MAPRE3: variants seen among roughly 807,000 people sequenced by gnomAD.
MAPRE3 encodes microtubule associated protein RP/EB family member 3, also known as microtubule-associated protein RP/EB family member 3.
In MAPRE3, 2 loss-of-function variants were observed where a neutral mutation model predicts 30.5. That is an observed-to-expected ratio of 0.07 (90% CI 0.03 to 0.21). MAPRE3 has a LOEUF of 0.21. MAPRE3 is among the 10% of genes least tolerant of loss of function. MAPRE3 has a pLI of 1.00. For synonymous variants in MAPRE3, 110 were observed against 127.7 expected (o/e 0.86, Z 0.93); for missense variants, 204 against 351.8 (o/e 0.58, Z 3.36).
At position 27,025,650 on chromosome 2, in the gene MAPRE3, C is replaced by T. The variant is rs180762184; in HGVS notation, c.537C>T (p.Ala179=). ...MQTSGRLSNV[A]PPCILRKNPP... ...CCTCTGGCCGGCTGAGCAATGTGGC[C>T]CCCCCCTGCATTCTCCGGAAGAATC... The change falls in exon 5 of 7, where the codon GCC becomes GCT. Residue 179 remains alanine (A), a synonymous_variant. Transcript: ENST00000233121. 6 of 1,610,710 alleles carry T rather than the reference C, an allele frequency of 3.7e-6. No homozygotes were observed. The highest frequency in any genetic ancestry group is 5.1e-6 in the Non-Finnish European group (6 of 1,178,322).
intron 1 of MAPRE3, among the ~76,000 whole-genome samples, chr2:26,996,667 G>A (rs2148209706): frequency 6.6e-6 from 1 of 152,274 alleles, no homozygotes; most frequent in South Asian, 2.1e-4. Context: ...GTGGGCGCCT[G>A]TAGTCCCAGC....
At chr2:27,001,088 T>C (rs935384077) in intron 1 of MAPRE3, among the ~76,000 whole-genome samples, 5 of 152,264 alleles carry the variant, frequency 3.3e-5, no homozygotes, top group Non-Finnish European at 7.3e-5. Flanking sequence ...ACATTTTTCT[T>C]CAACAACTGT....
At chr2:27,010,070 A>C (rs979107346) in intron 1 of MAPRE3, among the ~76,000 whole-genome samples, 4 of 152,220 alleles carry the variant, frequency 2.6e-5, no homozygotes, top group Non-Finnish European at 5.9e-5. Context: ...TGACTGATTG[A>C]ATCTGAGGCT....
intron 1 of MAPRE3, chr2:26,995,412 C>G (rs1415422936): frequency 6.6e-6 from 1 of 152,106 alleles, no homozygotes; most frequent in Non-Finnish European, 1.5e-5. Context: ...GCTTCAAGAC[C>G]GAGGCAGGGA....
At chr2:27,020,107 A>G (rs572633372) in intron 1 of MAPRE3, among the ~76,000 whole-genome samples, 1 of 152,216 alleles carries the variant, frequency 6.6e-6, no homozygotes, top group South Asian at 2.1e-4. Flanking sequence ...CATGGAACAG[A>G]GAATGAATGA....
At chr2:26,991,096 A>G (rs1182685085) in intron 1 of MAPRE3, among the ~76,000 whole-genome samples, 1 of 152,190 alleles carries the variant, frequency 6.6e-6, no homozygotes, top group Non-Finnish European at 1.5e-5. Flanking sequence ...TACTAAAAAT[A>G]CAAAAAAATT....
At chr2:26,971,970 GCAGTCC>G (rs1665923617) in intron 1 of MAPRE3, among the ~76,000 whole-genome samples, 1 of 152,158 alleles carries the variant, frequency 6.6e-6, no homozygotes, top group Non-Finnish European at 1.5e-5. Flanking sequence ...TGCCCATCTT[GCAGTCC>G]CTGTTCTTGG....
At position 26,974,356 on chromosome 2, in the gene MAPRE3, T is replaced by C. The variant is rs186077335; in HGVS notation, c.-8+3554T>C. ...TATTCTTGCCACTTTAAAAATAATA[T>C]TTTTTATCACACATTCTGACTTCAG... On this transcript the variant is annotated intron_variant, in intron 1 of 6. Transcript: ENST00000233121. Among the ~76,000 whole-genome samples the C allele has an allele frequency of 1.9e-3, 285 of 152,358 alleles. 1 individual carries two copies. Among genetic ancestry groups the C allele is most frequent in the Non-Finnish European group, 3.0e-3 (205 of 68,038 alleles).
At chr2:26,990,730 T>G (rs763517589) in intron 1 of MAPRE3, among the ~76,000 whole-genome samples, 45 of 152,256 alleles carry the variant, frequency 3.0e-4, no homozygotes, top group Non-Finnish European at 5.7e-4. Context: ...TTTTATAATT[T>G]TTTGAATTTA....
At chr2:26,998,947 A>T (rs942717756) in intron 1 of MAPRE3, among the ~76,000 whole-genome samples, 6 of 152,350 alleles carry the variant, frequency 3.9e-5, no homozygotes, top group African/African-American at 7.2e-5. Context: ...AGCCTGTCAC[A>T]GCACTTTGGA....
intron 1 of MAPRE3, among the ~76,000 whole-genome samples, chr2:27,020,261 A>G (rs1190556935): frequency 6.6e-6 from 1 of 152,212 alleles, no homozygotes; most frequent in Non-Finnish European, 1.5e-5. Context: ...GAGTCACATG[A>G]TAACAGCAGA....
At chr2:26,999,828 G>T (rs1414586061) in intron 1 of MAPRE3, among the ~76,000 whole-genome samples, 1 of 152,090 alleles carries the variant, frequency 6.6e-6, no homozygotes, top group Non-Finnish European at 1.5e-5. Context: ...TAATGTGACT[G>T]ACATCTCATA....
intron 1 of MAPRE3, among the ~76,000 whole-genome samples, chr2:26,973,578 C>G (rs899475437): frequency 6.8e-6 from 1 of 147,864 alleles, no homozygotes; most frequent in Non-Finnish European, 1.5e-5. Flanking sequence ...GACGGAGTCT[C>G]GCTCTGTCGC....
At chr2:27,026,210 A>G (rs1484987420) in intron 6 of MAPRE3, 70 bp from the exon 7 acceptor site, 10 of 1,467,882 alleles carry the variant, frequency 6.8e-6, no homozygotes, top group Non-Finnish European at 9.4e-6. Context: ...CTCTTCAGCT[A>G]CTTACAGAAC....
chr2:27,020,648 G>GA (rs1667091165), intron 1 of MAPRE3, among the ~76,000 whole-genome samples: 1 of 152,220 alleles, frequency 6.6e-6, no homozygotes, highest in Admixed American at 6.5e-5. Context: ...TTAAACATCT[G>GA]AACTTTAAAA....
rs932375775 is a variant in MAPRE3 at position 26,988,985 on chromosome 2, A to G, written c.-8+18183A>G. ...TGGACGCAGAGAAGAGTTGTGCTCCAGCTCAGCACCTCTGTGTGTGGTGAA... is the reference window on the plus strand; with the variant it reads ...TGGACGCAGAGAAGAGTTGTGCTCCGGCTCAGCACCTCTGTGTGTGGTGAA... On this transcript the variant is annotated intron_variant, in intron 1 of 6. Coordinates refer to ENST00000233121, the MANE Select transcript of MAPRE3 (RefSeq NM_012326.4). Among the ~76,000 whole-genome samples the G allele has an allele frequency of 9.9e-5, 15 of 152,210 alleles. 1 individual carries two copies. The highest frequency in any genetic ancestry group is 5.9e-5 in the Non-Finnish European group (4 of 68,032).
At chr2:26,979,530 G>C (rs1666075591) in intron 1 of MAPRE3, among the ~76,000 whole-genome samples, 1 of 152,212 alleles carries the variant, frequency 6.6e-6, no homozygotes, top group African/African-American at 2.4e-5. Context: ...AGGCTGCAGT[G>C]AACTATGATC....
chr2:27,025,368 C>G (rs1009720477), intron 4 of MAPRE3, among the ~76,000 whole-genome samples: 29 of 152,226 alleles, frequency 1.9e-4, no homozygotes, highest in Non-Finnish European at 3.5e-4. Flanking sequence ...AGTTTCTGCT[C>G]TCCCGGGCTC....
intron 1 of MAPRE3, among the ~76,000 whole-genome samples, chr2:26,973,594 C>G (rs955655400): frequency 2.0e-5 from 3 of 150,684 alleles, no homozygotes; most frequent in African/African-American, 7.3e-5. Flanking sequence ...GTCGCCCAGG[C>G]CGGACTGCGG....
Sources: allele counts gnomAD v4.1 joint callset (sites outside exome capture counted in the v4.1 genomes callset), GRCh38; gene constraint gnomAD v4.1.1; transcripts MANE v1.5; gene names NCBI Gene and HGNC (gene_info 2026-07-23, HGNC 2026-07-21).